The following PYM1 variants were observed in gnomAD, a reference collection of about 807,000 sequenced individuals.
PYM1 encodes PYM1 exon junction complex associated factor, also known as partner of Y14 and mago.
PYM1 carries 7 observed loss-of-function variants against 20.7 expected under a neutral mutation model. That is an observed-to-expected ratio of 0.34 (90% confidence interval 0.19 to 0.64). The LOEUF (loss-of-function observed/expected upper bound fraction) is 0.64, where lower values mean the gene tolerates loss of function less well. Among genes scored for constraint, PYM1 ranks in the 30% least tolerant of loss-of-function variants. The pLI, the probability that PYM1 is intolerant of heterozygous loss-of-function variation, is 0.74. For synonymous variants in PYM1, 100 were observed against 99.2 expected (o/e 1.01, Z -0.05); for missense variants, 194 against 250.0 (o/e 0.78, Z 1.51).
intron 1 of PYM1, among the ~76,000 whole-genome samples, chr12:55,916,747 G>A (rs1381398706): frequency 7.2e-5 from 11 of 152,112 alleles, no homozygotes; most frequent in Non-Finnish European, 1.5e-4. Context: ...GCGGTGAGCC[G>A]AGGTCAGGCC....
chr12:55,923,771 T>C (rs766992569), intron 1 of PYM1, among the ~76,000 whole-genome samples: 5 of 151,888 alleles, frequency 3.3e-5, no homozygotes, highest in Non-Finnish European at 7.4e-5. Context: ...AAATCAAGTA[T>C]ATTTAGAATA....
intron 1 of PYM1, among the ~76,000 whole-genome samples, chr12:55,905,273 T>A (rs1592634565): frequency 6.6e-6 from 1 of 151,366 alleles, no homozygotes; most frequent in African/African-American, 2.4e-5. Flanking sequence ...CCTCCCAAAG[T>A]GCTGGGATTA....
At chr12:55,916,423 G>A (rs1049323003) in intron 1 of PYM1, among the ~76,000 whole-genome samples, 3 of 151,998 alleles carry the variant, frequency 2.0e-5, no homozygotes, top group Admixed American at 1.3e-4. Flanking sequence ...ACACACCATC[G>A]CACTGCTGTT....
At chr12:55,904,646 G>GCAACTTAAAAGGCCATCAAGTGGAGTTC (rs1882759839) in intron 1 of PYM1, among the ~76,000 whole-genome samples, 3 of 133,570 alleles carry the variant, frequency 2.2e-5, no homozygotes, top group African/African-American at 8.4e-5. Flanking sequence ...AAAGCTGAAA[G>GCAACTTAAAAGGCCATCAAGTGGAGTTC]CAACTTAAAA....
intron 1 of PYM1, among the ~76,000 whole-genome samples, chr12:55,916,700 A>T (rs1255932254): frequency 6.6e-6 from 1 of 152,194 alleles, no homozygotes; most frequent in Non-Finnish European, 1.5e-5. Flanking sequence ...CGGGAGGCTG[A>T]GGCAGAAGAA....
rs564024275 is a variant in PYM1 at position 55,927,672 on chromosome 12, C to T, written c.37+53G>A. The T allele has an allele frequency of 3.9e-6, 6 of 1,536,142 alleles. No individual in the cohort carries two copies. In the South Asian group the frequency reaches 6.0e-5, roughly 15 times the overall value. The stretch of plus-strand genomic sequence containing the variant: ...TGCTGTCGGCCAACCCACTCAACCA[C>T]CAGAGACCCGCGGGAGGGGCGTGCA... On this transcript the variant is annotated intron_variant, in intron 1 of 2. Transcript: ENST00000408946.
intron 1 of PYM1, among the ~76,000 whole-genome samples, chr12:55,907,173 G>T (rs746006919): frequency 3.3e-5 from 5 of 150,708 alleles, no homozygotes; most frequent in Non-Finnish European, 5.9e-5. Flanking sequence ...AAAGAAAAAA[G>T]ATTTTTAAGG....
intron 1 of PYM1, chr12:55,927,480 G>A (rs1350101434): frequency 4.3e-6 from 3 of 693,750 alleles, no homozygotes; most frequent in Non-Finnish European, 5.1e-6. Context: ...TATAAATGAA[G>A]AAAGGAAGAA....
intron 1 of PYM1, among the ~76,000 whole-genome samples, chr12:55,909,224 G>A (rs888103064): frequency 1.3e-5 from 2 of 152,152 alleles, no homozygotes; most frequent in African/African-American, 4.8e-5. Context: ...CTGGAGGGAG[G>A]ACTGAGACAA....
chr12:55,909,075 A>C (rs571975187), intron 1 of PYM1, among the ~76,000 whole-genome samples: 2 of 152,262 alleles, frequency 1.3e-5, no homozygotes, highest in South Asian at 4.1e-4. Context: ...GAAATGAAAA[A>C]TGGGGTAATC....
intron 1 of PYM1, among the ~76,000 whole-genome samples, chr12:55,904,853 C>T (rs1255197906): frequency 6.6e-6 from 1 of 151,690 alleles, no homozygotes; most frequent in East Asian, 1.9e-4. Context: ...AATGTTCTGA[C>T]ACTGACTAGT....
In PYM1 at chr12:55,927,842, G is replaced by A; in HGVS notation, c.-81C>T. Reference sequence around the variant, plus strand: ...GCTGGGCGGCGCCGGGGATTCGGCGGCGAAGTGATGAGGGCCCTAGTTGCT... The same window carrying A: ...GCTGGGCGGCGCCGGGGATTCGGCGACGAAGTGATGAGGGCCCTAGTTGCT... On this transcript the variant is annotated 5_prime_UTR_variant, in exon 1 of 3. Coordinates refer to ENST00000408946, the MANE Select transcript of PYM1 (RefSeq NM_032345.3). The A allele has an allele frequency of 1.3e-6, 2 of 1,498,876 alleles. No individual in the cohort carries two copies. The highest frequency in any genetic ancestry group is 2.1e-5 in the Admixed American group (1 of 46,938). 92.8% of individuals were successfully genotyped at this position (1,498,876 alleles called of 1,614,324 possible).
intron 1 of PYM1, among the ~76,000 whole-genome samples, chr12:55,920,636 C>CAAAAAA (rs1254982255): frequency 1.4e-5 from 1 of 69,932 alleles, no homozygotes. Context: ...GACTCCGTCT[C>CAAAAAA]AAAAAAAAAA....
At position 55,923,001 on chromosome 12, in the gene PYM1, A is replaced by G. The variant is rs956804126; in HGVS notation, c.37+4724T>C. On this transcript the variant is annotated intron_variant, in intron 1 of 2. Transcript: ENST00000408946. ...AGCACTTTGGGAGGCCGAGGTGGGC[A>G]GATCACCCGAGGTCAGGAGTTTGAG... Among the ~76,000 whole-genome samples the G allele has an allele frequency of 1.3e-4, 20 of 152,076 alleles. 1 individual carries two copies. The East Asian group carries it at 3.5e-3, about 27-fold the overall frequency.
intron 1 of PYM1, among the ~76,000 whole-genome samples, chr12:55,922,107 C>G (rs1883107672): frequency 6.6e-6 from 1 of 151,940 alleles, no homozygotes; most frequent in Admixed American, 6.6e-5. Flanking sequence ...CTCAAGCAAT[C>G]CTCCAGCCTC....
chr12:55,909,112 G>A (rs756275246), intron 1 of PYM1, among the ~76,000 whole-genome samples: 2 of 152,060 alleles, frequency 1.3e-5, no homozygotes, highest in Non-Finnish European at 2.9e-5. Flanking sequence ...ACAAGGTCAA[G>A]AACTTTGGAC....
In PYM1 at chr12:55,902,271, G is replaced by C. The variant is rs773183084; in HGVS notation, c.216C>G (p.Thr72=). 2 of 1,614,020 alleles carry C rather than the reference G, an allele frequency of 1.2e-6. No individual in the cohort carries two copies. Among genetic ancestry groups the C allele is most frequent in the Non-Finnish European group, 1.7e-6 (2 of 1,180,028 alleles). ...GLSPEATAPV[T]PSRPEGGEPG... is the part of the protein sequence containing the mutation. ...GTTCACCACCTTCAGGCCTGGATGGGGTGACAGGAGCAGTGGCCTCAGGGC... is the reference window on the plus strand; with the variant it reads ...GTTCACCACCTTCAGGCCTGGATGGCGTGACAGGAGCAGTGGCCTCAGGGC... The change falls in exon 3 of 3, where the codon ACC becomes ACG. Residue 72 remains threonine, a synonymous_variant. Transcript: ENST00000408946.
intron 1 of PYM1, chr12:55,926,989 G>A: frequency 1.5e-6 from 2 of 1,371,272 alleles, no homozygotes; most frequent in Non-Finnish European, 1.9e-6. Context: ...AGGGGCCCCG[G>A]GATGGGCGGG....
At position 55,905,168 on chromosome 12, in the gene PYM1, A is replaced by ATT. The variant is rs779385773; in HGVS notation, c.38-1690_38-1689dup. Reference sequence around the variant, plus strand: ...AGGCGCCTGCCACCACACCTGGCTAATTTTTTTTTTTTTTGTATTTTTAAT... The same window carrying ATT: ...AGGCGCCTGCCACCACACCTGGCTAATTTTTTTTTTTTTTTTGTATTTTTAAT... On this transcript the variant is annotated intron_variant, in intron 1 of 2. Transcript: ENST00000408946. Among the ~76,000 whole-genome samples the ATT allele has an allele frequency of 4.5e-4, 62 of 136,268 alleles. No individual in the cohort carries two copies. In the East Asian group the frequency reaches 0.012, roughly 27 times the overall value. 89.4% of individuals were successfully genotyped at this position (136,268 alleles called of 152,430 possible).
Sources: allele counts gnomAD v4.1 joint callset (sites outside exome capture counted in the v4.1 genomes callset), GRCh38; gene constraint gnomAD v4.1.1; transcripts MANE v1.5; gene names NCBI Gene and HGNC (gene_info 2026-07-23, HGNC 2026-07-21).